Variants in SLC39A11 observed in about 807,000 individuals in gnomAD.
SLC39A11 encodes the protein solute carrier family 39 member 11.
A neutral mutation model predicts 36.1 loss-of-function variants in SLC39A11; 33 were observed. That is an observed-to-expected ratio of 0.91 (90% CI 0.69 to 1.22). The LOEUF (loss-of-function observed/expected upper bound fraction) is 1.22, where lower values mean the gene tolerates loss of function less well. SLC39A11 is among the 50% of genes most tolerant of loss of function. SLC39A11 has a pLI of 0.00. For synonymous variants in SLC39A11, 166 were observed against 170.3 expected, an observed-to-expected ratio of 0.97 and a Z score of 0.20; for missense variants, 432 against 430.3, an observed-to-expected ratio of 1.00 and a Z score of -0.03.
At chr17:72,762,969 G>A (rs2075642066) in intron 6 of SLC39A11, among the ~76,000 whole-genome samples, 1 of 152,194 alleles carries the variant, frequency 6.6e-6, no homozygotes, top group Non-Finnish European at 1.5e-5. Context: ...TCCAGCATGT[G>A]AGCATTGGTC....
At chr17:72,935,502 T>A (rs1267531136) in intron 5 of SLC39A11, among the ~76,000 whole-genome samples, 1 of 152,222 alleles carries the variant, frequency 6.6e-6, no homozygotes, top group Non-Finnish European at 1.5e-5. Context: ...CTCGTGGAAC[T>A]GTACTCCAAA....
intron 5 of SLC39A11, among the ~76,000 whole-genome samples, chr17:72,945,456 T>C (rs2085376059): frequency 6.6e-6 from 1 of 152,230 alleles, no homozygotes. Flanking sequence ...AAATAATGCA[T>C]ATTCAGGCTC....
intron 5 of SLC39A11, among the ~76,000 whole-genome samples, chr17:72,918,902 A>C: frequency 6.6e-6 from 1 of 151,986 alleles, no homozygotes; most frequent in East Asian, 1.9e-4. Context: ...ATCTCTACTA[A>C]AAATACAAAA....
At chr17:73,030,056 A>T (rs1568153705) in intron 4 of SLC39A11, among the ~76,000 whole-genome samples, 1 of 152,134 alleles carries the variant, frequency 6.6e-6, no homozygotes, top group Non-Finnish European at 1.5e-5. Flanking sequence ...CATTAGTTAG[A>T]TTCTCTTAAG....
At chr17:72,910,849 C>G (rs1380035257) in intron 5 of SLC39A11, among the ~76,000 whole-genome samples, 1 of 150,460 alleles carries the variant, frequency 6.6e-6, no homozygotes, top group Non-Finnish European at 1.5e-5. Context: ...GTCACGTGAA[C>G]CCAGAAGGCA....
At chr17:72,709,217 C>A (rs996991411) in intron 7 of SLC39A11, among the ~76,000 whole-genome samples, 1 of 152,074 alleles carries the variant, frequency 6.6e-6, no homozygotes, top group Non-Finnish European at 1.5e-5. Flanking sequence ...GGATTACAGG[C>A]GTGAGCCACC....
intron 3 of SLC39A11, among the ~76,000 whole-genome samples, chr17:73,033,673 C>T (rs781677504): frequency 5.3e-5 from 8 of 152,192 alleles, no homozygotes; most frequent in Non-Finnish European, 1.2e-4. Flanking sequence ...CTAGAGTACA[C>T]CCACCACCCA....
At chr17:73,030,725 G>C (rs1210249517) in intron 4 of SLC39A11, among the ~76,000 whole-genome samples, 1 of 152,222 alleles carries the variant, frequency 6.6e-6, no homozygotes, top group East Asian at 1.9e-4. Flanking sequence ...GTCTCATGCT[G>C]TTATGATCTT....
chr17:73,075,549 T>C (rs2060291710), intron 3 of SLC39A11, among the ~76,000 whole-genome samples: 1 of 152,172 alleles, frequency 6.6e-6, no homozygotes, highest in African/African-American at 2.4e-5. Flanking sequence ...AGTCAGACTA[T>C]GGGTTCAAAT....
At chr17:72,780,881 G>A (rs1242876864) in intron 6 of SLC39A11, among the ~76,000 whole-genome samples, 1 of 152,180 alleles carries the variant, frequency 6.6e-6, no homozygotes, top group African/African-American at 2.4e-5. Context: ...CAGCTACTTG[G>A]GCGGCTGAAG....
chr17:73,045,304 A>C (rs2143664914), intron 3 of SLC39A11, among the ~76,000 whole-genome samples: 1 of 149,574 alleles, frequency 6.7e-6, no homozygotes, highest in African/African-American at 2.4e-5. Flanking sequence ...CCATACAGCA[A>C]GGCAACCATC....
intron 6 of SLC39A11, among the ~76,000 whole-genome samples, chr17:72,796,213 T>C (rs890658979): frequency 6.6e-6 from 1 of 152,022 alleles, no homozygotes; most frequent in African/African-American, 2.4e-5. Context: ...GAAAACCTAT[T>C]TTCCAACACA....
chr17:72,912,091 G>A (rs16977431), intron 5 of SLC39A11, among the ~76,000 whole-genome samples: 77,575 of 151,954 alleles, frequency 0.51, 19,801 homozygotes, highest in African/African-American at 0.53. Flanking sequence ...CCCAAGGAGC[G>A]TGCCAACACC....
chr17:72,850,047 T>TC (rs1222013263), intron 5 of SLC39A11, among the ~76,000 whole-genome samples: 2 of 151,660 alleles, frequency 1.3e-5, no homozygotes, highest in East Asian at 3.9e-4. Flanking sequence ...TCTTCACTCC[T>TC]CTCCAAAAAG....
At chr17:73,009,588 T>C (rs753727195) in intron 4 of SLC39A11, among the ~76,000 whole-genome samples, 2 of 152,012 alleles carry the variant, frequency 1.3e-5, no homozygotes, top group African/African-American at 2.4e-5. Flanking sequence ...GATGGCTTAA[T>C]AGGCATGGGG....
At chr17:72,687,041 T>C (rs925563243) in intron 7 of SLC39A11, among the ~76,000 whole-genome samples, 1 of 152,228 alleles carries the variant, frequency 6.6e-6, no homozygotes, top group Admixed American at 6.5e-5. Flanking sequence ...TTTGTTGCTG[T>C]TGTTGAGACA....
At chr17:72,748,321 C>CA (rs10657048) in intron 6 of SLC39A11, among the ~76,000 whole-genome samples, 5,241 of 147,452 alleles carry the variant, frequency 0.036, 133 homozygotes, top group East Asian at 0.066. Context: ...GACTCCATCT[C>CA]AAAAAAAAAA....
At chr17:72,887,258 C>T (rs765983402) in intron 5 of SLC39A11, among the ~76,000 whole-genome samples, 9 of 152,218 alleles carry the variant, frequency 5.9e-5, no homozygotes, top group Non-Finnish European at 1.2e-4. Flanking sequence ...TGGCTATCAA[C>T]CGCAGTGGAA....
chr17:72,654,963 A>C (rs2143921571), intron 7 of SLC39A11, among the ~76,000 whole-genome samples: 1 of 152,004 alleles, frequency 6.6e-6, no homozygotes, highest in South Asian at 2.1e-4. Context: ...CAGCACAGAA[A>C]CCCCATTCTT....
Sources: gnomAD v4.1 joint callset for allele counts (sites outside exome capture counted in the v4.1 genomes callset) on GRCh38, gnomAD v4.1.1 for gene constraint, MANE v1.5 for transcripts, NCBI Gene and HGNC (gene_info 2026-07-23, HGNC 2026-07-21) for gene names.